The following NFIB variants were observed in gnomAD, a reference collection of about 807,000 sequenced individuals.
NFIB encodes nuclear factor 1 B-type.
NFIB carries 11 observed loss-of-function variants against 61.5 expected under a neutral mutation model. The ratio of observed to expected loss-of-function variants is 0.18; its 90% confidence interval spans 0.11 to 0.30. The LOEUF (loss-of-function observed/expected upper bound fraction) is 0.30, where lower values mean the gene tolerates loss of function less well. Ranked by LOEUF, NFIB falls within the 10% of genes least tolerant of loss-of-function variation. The pLI, the probability that NFIB is intolerant of heterozygous loss-of-function variation, is 1.00. For synonymous variants in NFIB, 260 were observed against 216.5 expected, an observed-to-expected ratio of 1.20 and a Z score of -1.76; for missense variants, 471 against 608.9, an observed-to-expected ratio of 0.77 and a Z score of 2.38.
intron 2 of NFIB, among the ~76,000 whole-genome samples, chr9:14,264,795 TGAAAG>T (rs1563957438): frequency 1.3e-5 from 2 of 152,232 alleles, no homozygotes; most frequent in African/African-American, 4.8e-5. Flanking sequence ...ATAAGGAACT[TGAAAG>T]GAAATCTGGG....
At chr9:14,168,124 G>A (rs567809576) in intron 3 of NFIB, among the ~76,000 whole-genome samples, 4 of 152,302 alleles carry the variant, frequency 2.6e-5, no homozygotes, top group East Asian at 3.9e-4. Flanking sequence ...AGAAGTACCC[G>A]CTTTTTCTAG....
chr9:14,261,445 G>C (rs886573907), intron 2 of NFIB, among the ~76,000 whole-genome samples: 1 of 152,182 alleles, frequency 6.6e-6, no homozygotes, highest in African/African-American at 2.4e-5. Flanking sequence ...CCGTAATAAG[G>C]CAGTGTAGTT....
At chr9:14,097,991 C>T (rs947141531) in intron 10 of NFIB, among the ~76,000 whole-genome samples, 9 of 145,232 alleles carry the variant, frequency 6.2e-5, no homozygotes, top group African/African-American at 1.5e-4. Flanking sequence ...CAGTAATAAA[C>T]GACAATTTCT....
At chr9:14,178,636 A>G (rs1195349756) in intron 3 of NFIB, among the ~76,000 whole-genome samples, 1 of 152,190 alleles carries the variant, frequency 6.6e-6, no homozygotes, top group Non-Finnish European at 1.5e-5. Context: ...AAAAAAACAT[A>G]GGACTCAGAA....
the NFIB span, among the ~76,000 whole-genome samples, chr9:14,456,316 C>G: frequency 1.9e-4 from 29 of 151,634 alleles, no homozygotes; most frequent in African/African-American, 7.0e-4. Context: ...AATCCAAAGG[C>G]CTATAGCATA....
rs140575963 is a variant in NFIB, at chr9:14,142,326, T to C, written c.925+4363A>G. 3.9e-4 allele frequency among the ~76,000 whole-genome samples: 60 copies of C among 152,258 alleles called. 1 individual carries two copies. In the East Asian group the frequency reaches 0.012, roughly 29 times the overall value. ...ACAGGAGTTCCCTGCACAAGCTCTCTCTTTGCCTGCCACCATCCATATAAG... is the reference window on the plus strand; with the variant it reads ...ACAGGAGTTCCCTGCACAAGCTCTCCCTTTGCCTGCCACCATCCATATAAG... On this transcript the variant is annotated intron_variant, in intron 6 of 10. Coordinates refer to ENST00000380953, the MANE Select transcript of NFIB (RefSeq NM_001190737.2).
chr9:14,232,509 T>A (rs2053308527), intron 2 of NFIB, among the ~76,000 whole-genome samples: 1 of 152,076 alleles, frequency 6.6e-6, no homozygotes, highest in Admixed American at 6.5e-5. Context: ...AAAAATTAAA[T>A]AAACAAAAGC....
intron 2 of NFIB, among the ~76,000 whole-genome samples, chr9:14,296,112 A>C (rs2059429095): frequency 6.6e-6 from 1 of 152,226 alleles, no homozygotes; most frequent in Non-Finnish European, 1.5e-5. Flanking sequence ...ACCTGAGATA[A>C]ATATGAACTA....
intron 2 of NFIB, chr9:14,204,710 G>A: frequency 5.0e-6 from 3 of 604,350 alleles, no homozygotes; most frequent in South Asian, 1.9e-5. Context: ...TCAGTTGGTG[G>A]TGATTGCATA....
chr9:14,257,449 CT>C (rs2056331951), intron 2 of NFIB, among the ~76,000 whole-genome samples: 1 of 152,302 alleles, frequency 6.6e-6, no homozygotes. Flanking sequence ...CCTCAAAAAT[CT>C]TTCAGTAATA....
At chr9:14,389,749 AC>A (rs141258518) in intron 1 of NFIB, among the ~76,000 whole-genome samples, 34,750 of 151,734 alleles carry the variant, frequency 0.23, 4,840 homozygotes, top group Non-Finnish European at 0.32. Flanking sequence ...CAGCATTTCC[AC>A]CCCCAAAGAC....
At chr9:14,299,019 A>G (rs1290606436) in intron 2 of NFIB, among the ~76,000 whole-genome samples, 1 of 152,222 alleles carries the variant, frequency 6.6e-6, no homozygotes, top group Non-Finnish European at 1.5e-5. Context: ...TCAGAATAAT[A>G]AAATACAAGT....
chr9:14,249,815 C>T (rs2055378389), intron 2 of NFIB, among the ~76,000 whole-genome samples: 1 of 151,986 alleles, frequency 6.6e-6, no homozygotes, highest in South Asian at 2.1e-4. Context: ...ACCCTTAAGC[C>T]CTTTCTTGAG....
intron 6 of NFIB, among the ~76,000 whole-genome samples, chr9:14,136,911 A>G (rs960924842): frequency 6.6e-6 from 1 of 152,194 alleles, no homozygotes; most frequent in African/African-American, 2.4e-5. Flanking sequence ...GTAGTGTTTA[A>G]GTTCAACCTA....
chr9:14,110,069 G>C (rs1211237581), intron 10 of NFIB, among the ~76,000 whole-genome samples: 2 of 151,986 alleles, frequency 1.3e-5, no homozygotes, highest in Non-Finnish European at 2.9e-5. Flanking sequence ...GTGAAGTACA[G>C]GGTTCATTTT....
At chr9:14,130,151 T>A (rs2040233816) in intron 6 of NFIB, among the ~76,000 whole-genome samples, 1 of 152,180 alleles carries the variant, frequency 6.6e-6, no homozygotes, top group Admixed American at 6.5e-5. Context: ...CTCCAGGCCT[T>A]CCTCTCCATG....
At chr9:14,130,152 C>T (rs1366458546) in intron 6 of NFIB, among the ~76,000 whole-genome samples, 5 of 152,140 alleles carry the variant, frequency 3.3e-5, no homozygotes, top group Admixed American at 2.0e-4. Flanking sequence ...TCCAGGCCTT[C>T]CTCTCCATGG....
intron 1 of NFIB, among the ~76,000 whole-genome samples, chr9:14,330,718 C>T (rs2060810207): frequency 6.6e-6 from 1 of 152,028 alleles, no homozygotes. Context: ...GACCTGAGGA[C>T]ACACATAGAG....
intron 2 of NFIB, among the ~76,000 whole-genome samples, chr9:14,254,043 C>T (rs926226370): frequency 6.6e-6 from 1 of 152,012 alleles, no homozygotes; most frequent in Non-Finnish European, 1.5e-5. Flanking sequence ...AGCTCATGCC[C>T]GTAATCCCAG....
Sources: gnomAD v4.1 joint callset for allele counts (sites outside exome capture counted in the v4.1 genomes callset) on GRCh38, gnomAD v4.1.1 for gene constraint, MANE v1.5 for transcripts, NCBI Gene and HGNC (gene_info 2026-07-23, HGNC 2026-07-21) for gene names.